PRKCE: variants seen among roughly 807,000 people sequenced by gnomAD.
PRKCE encodes the protein protein kinase C epsilon.
PRKCE carries 16 observed loss-of-function variants against 85.4 expected under a neutral mutation model. The observed-to-expected ratio is 0.19, with a 90% confidence interval of 0.13 to 0.28. The LOEUF (loss-of-function observed/expected upper bound fraction) is 0.28, where lower values mean the gene tolerates loss of function less well. Among genes scored for constraint, PRKCE ranks in the 10% least tolerant of loss-of-function variants. PRKCE has a pLI of 1.00. For synonymous variants in PRKCE, 388 were observed against 371.5 expected (o/e 1.04, Z -0.51); for missense variants, 573 against 975.2 (o/e 0.59, Z 5.49).
intron 11 of PRKCE, among the ~76,000 whole-genome samples, chr2:46,115,256 G>A (rs576073637): frequency 6.6e-6 from 1 of 152,332 alleles, no homozygotes; most frequent in South Asian, 2.1e-4. Flanking sequence ...CTGGTCTTCT[G>A]CATTTCCATA....
chr2:45,803,223 T>G (rs1688003622), intron 1 of PRKCE, among the ~76,000 whole-genome samples: 1 of 152,248 alleles, frequency 6.6e-6, no homozygotes, highest in African/African-American at 2.4e-5. Flanking sequence ...GAACAAGATT[T>G]GGTCTATACC....
chr2:45,749,843 G>T (rs1683407982), intron 1 of PRKCE, among the ~76,000 whole-genome samples: 1 of 152,170 alleles, frequency 6.6e-6, no homozygotes, highest in Non-Finnish European at 1.5e-5. Context: ...CAGGAAGACA[G>T]GACATAGGTT....
chr2:46,124,391 G>A (rs370935987), intron 11 of PRKCE, among the ~76,000 whole-genome samples: 3 of 152,180 alleles, frequency 2.0e-5, no homozygotes, highest in African/African-American at 7.2e-5. Flanking sequence ...AATTTTAATC[G>A]TGTTGCTGCC....
chr2:45,759,693 G>C (rs1176699235), intron 1 of PRKCE, among the ~76,000 whole-genome samples: 1 of 152,228 alleles, frequency 6.6e-6, no homozygotes, highest in Non-Finnish European at 1.5e-5. Context: ...GAGTAAGACA[G>C]AAATAGCTAG....
At chr2:46,097,945 G>C (rs924206009) in intron 11 of PRKCE, among the ~76,000 whole-genome samples, 1 of 152,232 alleles carries the variant, frequency 6.6e-6, no homozygotes, top group East Asian at 1.9e-4. Flanking sequence ...TGGGATGAAA[G>C]CCAAGTTTAC....
chr2:46,140,678 A>G lies in PRKCE; in HGVS notation c.1593-4415A>G, dbSNP rs555129082. Among the ~76,000 whole-genome samples the G allele has an allele frequency of 1.6e-4, 25 of 152,364 alleles. No individual in the cohort carries two copies. The South Asian group carries it at 3.7e-3, about 23-fold the overall frequency. ...CATGATATAAAACATCAGTTCAATTACATAAAAATAAATAATATTGGCATG... is the reference window on the plus strand; with the variant it reads ...CATGATATAAAACATCAGTTCAATTGCATAAAAATAAATAATATTGGCATG... On this transcript the variant is annotated intron_variant, in intron 11 of 14. Coordinates refer to ENST00000306156, the MANE Select transcript of PRKCE (RefSeq NM_005400.3).
intron 11 of PRKCE, among the ~76,000 whole-genome samples, chr2:46,143,804 T>G (rs1340349226): frequency 2.0e-5 from 3 of 152,222 alleles, no homozygotes; most frequent in African/African-American, 7.2e-5. Flanking sequence ...TTTTATATGC[T>G]CTTTTTTCTC....
chr2:46,071,962 A>G (rs1304706846), intron 10 of PRKCE, among the ~76,000 whole-genome samples: 2 of 152,182 alleles, frequency 1.3e-5, no homozygotes, highest in South Asian at 2.1e-4. Flanking sequence ...GCGCTCGTGT[A>G]TTTTAAACAC....
chr2:46,055,151 T>A (rs1450882771), intron 10 of PRKCE, among the ~76,000 whole-genome samples: 1 of 152,264 alleles, frequency 6.6e-6, no homozygotes, highest in Non-Finnish European at 1.5e-5. Flanking sequence ...CTGTTCATAC[T>A]TAAATCACCA....
intron 1 of PRKCE, among the ~76,000 whole-genome samples, chr2:45,699,645 T>G (rs1678453178): frequency 6.6e-6 from 1 of 152,222 alleles, no homozygotes; most frequent in South Asian, 2.1e-4. Flanking sequence ...AATAACTGTT[T>G]AAAGCTGACT....
chr2:46,006,008 C>T (rs1705160953), intron 8 of PRKCE, among the ~76,000 whole-genome samples: 1 of 152,150 alleles, frequency 6.6e-6, no homozygotes, highest in African/African-American at 2.4e-5. Context: ...GTAGGCCTGG[C>T]TCCTGCCCTG....
rs972421064 is a variant in PRKCE at position 45,907,457 on chromosome 2, C to A, written c.412+64394C>A. On this transcript the variant is annotated intron_variant, in intron 2 of 14. Coordinates refer to ENST00000306156, the MANE Select transcript of PRKCE (RefSeq NM_005400.3). The surrounding 1 kb of genome is among the most constrained non-coding windows in gnomAD (Gnocchi z 4.5). ...AACACTCCTGTGAACAAAACCAAGA[C>A]GAGTTTTGTCCCTGCCACAGAGGTA... 6.6e-6 allele frequency among the ~76,000 whole-genome samples: 1 copy of A among 152,190 alleles called. No individual in the cohort carries two copies. The highest frequency in any genetic ancestry group is 1.9e-4 in the East Asian group (1 of 5,192).
At chr2:46,108,467 C>T (rs1671953903) in intron 11 of PRKCE, among the ~76,000 whole-genome samples, 1 of 152,110 alleles carries the variant, frequency 6.6e-6, no homozygotes, top group Non-Finnish European at 1.5e-5. Flanking sequence ...TATGCATGCA[C>T]ATGTGAGCAG....
At chr2:45,759,404 C>T (rs958080485) in intron 1 of PRKCE, among the ~76,000 whole-genome samples, 1 of 152,206 alleles carries the variant, frequency 6.6e-6, no homozygotes, top group African/African-American at 2.4e-5. Context: ...CCGATTTATC[C>T]ATGTCGGTGC....
intron 10 of PRKCE, among the ~76,000 whole-genome samples, chr2:46,074,443 A>AAG (rs918353270): frequency 2.6e-5 from 4 of 151,060 alleles, no homozygotes; most frequent in African/African-American, 4.8e-5. Flanking sequence ...AAAAAAAAAA[A>AAG]AAAAAGAAAA....
chr2:45,984,802 C>G (rs959319324), intron 6 of PRKCE, 122 bp downstream of exon 6: 2 of 1,353,984 alleles, frequency 1.5e-6, no homozygotes, highest in Admixed American at 2.3e-5. Context: ...TGAGTGCAAG[C>G]CTTTGTTAAT....
chr2:45,685,841 A>T (rs945077499), intron 1 of PRKCE, among the ~76,000 whole-genome samples: 5 of 152,182 alleles, frequency 3.3e-5, no homozygotes, highest in Non-Finnish European at 5.9e-5. Flanking sequence ...CTGCTGTGAC[A>T]GGTATGCCTG....
intron 11 of PRKCE, among the ~76,000 whole-genome samples, chr2:46,132,165 T>C (rs929947285): frequency 2.0e-5 from 3 of 152,064 alleles, no homozygotes; most frequent in African/African-American, 7.2e-5. Flanking sequence ...TCTTTTTGGG[T>C]TTCCCAAACA....
intron 10 of PRKCE, among the ~76,000 whole-genome samples, chr2:46,080,689 C>G (rs1392783187): frequency 1.3e-5 from 2 of 152,184 alleles, no homozygotes; most frequent in African/African-American, 4.8e-5. Context: ...TGTTTGAGCA[C>G]CTCCTCAGGT....
Sources: allele counts gnomAD v4.1 joint callset (sites outside exome capture counted in the v4.1 genomes callset), GRCh38; gene constraint gnomAD v4.1.1; non-coding constraint Gnocchi (gnomAD v3.1); transcripts MANE v1.5; gene names NCBI Gene and HGNC (gene_info 2026-07-23, HGNC 2026-07-21).